The following RBMS3 variants were observed in gnomAD, a reference collection of about 807,000 sequenced individuals.
The protein encoded by RBMS3 is RNA binding motif single stranded interacting protein 3, also known as RNA-binding motif, single-stranded-interacting protein 3.
Under a neutral mutation model 66.8 loss-of-function variants are expected in RBMS3, and 27 were observed. The observed-to-expected ratio is 0.40, with a 90% CI of 0.30 to 0.56. The LOEUF is 0.56. RBMS3 is among the 20% of genes least tolerant of loss of function. RBMS3 has a pLI of 0.40. For missense variants in RBMS3, 513 were observed against 549.5 expected (o/e 0.93, Z 0.66); for synonymous variants, 188 against 183.0 (o/e 1.03, Z -0.22).
At chr3:29,540,854 G>C (rs1267076641) in intron 3 of RBMS3, among the ~76,000 whole-genome samples, 2 of 152,170 alleles carry the variant, frequency 1.3e-5, no homozygotes, top group Admixed American at 1.3e-4. Context: ...AAAGAGCAGT[G>C]GTGATGCAGC....
At chr3:29,576,790 G>T (rs932880670) in intron 3 of RBMS3, among the ~76,000 whole-genome samples, 3 of 152,122 alleles carry the variant, frequency 2.0e-5, no homozygotes, top group African/African-American at 7.2e-5. Flanking sequence ...GTTCTGCCAG[G>T]CCACTGCCCA....
chr3:29,856,511 G>A (rs1481889831), intron 6 of RBMS3, among the ~76,000 whole-genome samples: 1 of 152,154 alleles, frequency 6.6e-6, no homozygotes, highest in African/African-American at 2.4e-5. Flanking sequence ...TTATCCGATA[G>A]GTGGGCATGT....
chr3:29,819,620 G>A (rs1029859546), intron 6 of RBMS3, among the ~76,000 whole-genome samples: 5 of 151,842 alleles, frequency 3.3e-5, no homozygotes, highest in Non-Finnish European at 5.9e-5. Flanking sequence ...TTAATTATGG[G>A]CAGTTATTTA....
intron 6 of RBMS3, among the ~76,000 whole-genome samples, chr3:29,767,941 A>G (rs1483316411): frequency 6.6e-6 from 1 of 151,976 alleles, no homozygotes. Context: ...AGAGGTAACA[A>G]ATAAAAAATG....
At chr3:29,847,816 C>T (rs943117110) in intron 6 of RBMS3, among the ~76,000 whole-genome samples, 10 of 152,124 alleles carry the variant, frequency 6.6e-5, no homozygotes, top group African/African-American at 1.2e-4. Context: ...CCGTCACGCC[C>T]GGCTAATTTT....
chr3:29,332,313 A>G (rs2035711803), intron 1 of RBMS3, among the ~76,000 whole-genome samples: 1 of 152,180 alleles, frequency 6.6e-6, no homozygotes, highest in Admixed American at 6.6e-5. Context: ...AGTCATGAAC[A>G]TTCTCTTGCC....
chr3:29,771,239 G>A (rs2056185969), intron 6 of RBMS3, among the ~76,000 whole-genome samples: 1 of 151,918 alleles, frequency 6.6e-6, no homozygotes, highest in Non-Finnish European at 1.5e-5. Flanking sequence ...ATCTTTCATA[G>A]GAAATTGGCA....
At chr3:29,696,947 T>C in intron 4 of RBMS3, 1 of 984,944 alleles carries the variant, frequency 1.0e-6, no homozygotes, top group Non-Finnish European at 1.2e-6. Flanking sequence ...GGGTTTTTTT[T>C]AATTTTTAAT....
chr3:29,910,519 T>C (rs555891038), intron 10 of RBMS3, among the ~76,000 whole-genome samples: 8 of 152,122 alleles, frequency 5.3e-5, no homozygotes, highest in Non-Finnish European at 1.2e-4. Context: ...AAAGATATTA[T>C]TTTTGATTTC....
chr3:29,315,575 G>A (rs2034622802), intron 1 of RBMS3, among the ~76,000 whole-genome samples: 1 of 151,572 alleles, frequency 6.6e-6, no homozygotes, highest in Admixed American at 6.6e-5. Flanking sequence ...CATATTACGG[G>A]CATTTGCGTG....
rs1014929162 is a variant in RBMS3, at chr3:29,435,891, C to T, written c.248+976C>T. ...TCAGGAGGCTGAGGCAGGAGAATGG[C>T]GTGAACCAGGAGGCGGAGTTTGCAG... On this transcript the variant is annotated intron_variant, in intron 2 of 14. Coordinates refer to ENST00000383767, the MANE Select transcript of RBMS3 (RefSeq NM_001003793.3). Among the ~76,000 whole-genome samples, 16 of 128,754 alleles carry T rather than the reference C, an allele frequency of 1.2e-4. No homozygotes were observed. The East Asian group carries it at 2.0e-3, about 16-fold the overall frequency. The allele number at this position is 128,754 out of a possible 152,430, so 84.5% of individuals were successfully genotyped here.
chr3:29,611,575 A>T (rs2048493873), intron 4 of RBMS3, among the ~76,000 whole-genome samples: 1 of 151,886 alleles, frequency 6.6e-6, no homozygotes, highest in Admixed American at 6.6e-5. Flanking sequence ...AAAAAAATGC[A>T]GGTATTGAGT....
At chr3:29,339,246 T>C (rs1382464750) in intron 1 of RBMS3, among the ~76,000 whole-genome samples, 63 of 152,158 alleles carry the variant, frequency 4.1e-4, no homozygotes, top group Admixed American at 3.9e-3. Context: ...CTAAATTCAC[T>C]TCATTATCCT....
chr3:29,339,329 T>G (rs530302310), intron 1 of RBMS3, among the ~76,000 whole-genome samples: 1 of 152,174 alleles, frequency 6.6e-6, no homozygotes, highest in Non-Finnish European at 1.5e-5. Context: ...CATTAAAGTG[T>G]GCCTAATAAG....
chr3:29,842,470 G>A lies in RBMS3; in HGVS notation c.638-26388G>A, dbSNP rs537238073. Among the ~76,000 whole-genome samples, 14 of 152,136 alleles carry A rather than the reference G, an allele frequency of 9.2e-5. No homozygotes were observed. In the South Asian group the frequency reaches 1.7e-3, roughly 18 times the overall value. On this transcript the variant is annotated intron_variant, in intron 6 of 14. Transcript: ENST00000383767. ...AGACCTTATATGAAACGATTTAATG[G>A]CTCAATAAACGTTTATTGAATGAAT... is the stretch of plus-strand genomic sequence containing the variant.
intron 1 of RBMS3, among the ~76,000 whole-genome samples, chr3:29,369,472 A>G (rs974563037): frequency 1.4e-5 from 2 of 144,140 alleles, no homozygotes; most frequent in African/African-American, 2.6e-5. Context: ...TCAGATTCTC[A>G]GATCATCACT....
At position 29,820,744 on chromosome 3, in the gene RBMS3, G is replaced by T. The variant is rs79952973; in HGVS notation, c.638-48114G>T. 9.4e-3 allele frequency among the ~76,000 whole-genome samples: 1,424 copies of T among 152,208 alleles called. 22 individuals are homozygous for T. Among genetic ancestry groups the T allele is most frequent in the African/African-American group, 0.032 (1,338 of 41,542 alleles). ...CTTTGTAAACTAATTAATGCACGTG[G>T]TGCTACAAAATTCCAAGAATACAAG... On this transcript the variant is annotated intron_variant, in intron 6 of 14. Coordinates refer to ENST00000383767, the MANE Select transcript of RBMS3 (RefSeq NM_001003793.3).
chr3:29,507,199 A>C (rs2044215427), intron 3 of RBMS3, among the ~76,000 whole-genome samples: 1 of 151,894 alleles, frequency 6.6e-6, no homozygotes, highest in African/African-American at 2.4e-5. Flanking sequence ...TTTAAAAAAA[A>C]ATGAGGTTCT....
intron 2 of RBMS3, among the ~76,000 whole-genome samples, chr3:29,450,149 G>A (rs1333959380): frequency 6.6e-6 from 1 of 152,116 alleles, no homozygotes; most frequent in Non-Finnish European, 1.5e-5. Context: ...GCTTAGGAGT[G>A]GTTATGCCCA....
Sources: allele counts gnomAD v4.1 joint callset (sites outside exome capture counted in the v4.1 genomes callset), GRCh38; gene constraint gnomAD v4.1.1; transcripts MANE v1.5; gene names NCBI Gene and HGNC (gene_info 2026-07-23, HGNC 2026-07-21).